UGGT2: variants seen among roughly 807,000 people sequenced by gnomAD.
UGGT2 encodes UDP-glucose glycoprotein glucosyltransferase 2.
In UGGT2, 180 loss-of-function variants were observed where a neutral mutation model predicts 192.1. The ratio of observed to expected loss-of-function variants is 0.94; its 90% CI spans 0.83 to 1.06. The LOEUF (loss-of-function observed/expected upper bound fraction) is 1.06. Ranked by LOEUF, UGGT2 falls within the 50% of genes least tolerant of loss-of-function variation. The pLI is 0.00. For missense variants in UGGT2, 1,849 were observed against 1,795.7 expected (o/e 1.03, Z -0.54); for synonymous variants, 580 against 591.0 (o/e 0.98, Z 0.27).
chr13:96,006,400 G>T (rs1220309435), intron 5 of UGGT2, among the ~76,000 whole-genome samples: 1 of 152,038 alleles, frequency 6.6e-6, no homozygotes, highest in Non-Finnish European at 1.5e-5. Flanking sequence ...TGAGGTGGAT[G>T]GATTGCCTGG....
rs1025591389 is a variant in UGGT2 at position 95,853,591 on chromosome 13, C to T, written c.4236G>A (p.Gln1412=). The T allele has an allele frequency of 3.1e-6, 5 of 1,610,724 alleles. No homozygotes were observed. The highest frequency in any genetic ancestry group is 4.2e-6 in the Non-Finnish European group (5 of 1,178,892). The part of the protein sequence containing the change: ...RIGAGDRLRS[Q]YQALSQDPNS... ...TTGGATCTTGACTGAGAGCTTGATA[C>T]TGGCTCCTGAGCCTGTCACCTGCTC... The change falls in exon 36 of 39, where the codon CAG becomes CAA. Residue 1412 remains glutamine (Q), a synonymous_variant. Transcript: ENST00000376747.
At chr13:95,827,410 T>C (rs1266501752) in intron 38 of UGGT2, among the ~76,000 whole-genome samples, 1 of 152,096 alleles carries the variant, frequency 6.6e-6, no homozygotes, top group African/African-American at 2.4e-5. Context: ...GGACAGAGAA[T>C]GTGAAGACAA....
chr13:95,938,650 T>C (rs143806560), intron 16 of UGGT2, among the ~76,000 whole-genome samples: 1 of 152,286 alleles, frequency 6.6e-6, no homozygotes, highest in East Asian at 1.9e-4. Flanking sequence ...GCAAACTCTC[T>C]CCTAAAGCTT....
At chr13:96,035,511 T>C (rs1181733266) in intron 1 of UGGT2, among the ~76,000 whole-genome samples, 1 of 152,210 alleles carries the variant, frequency 6.6e-6, no homozygotes, top group Admixed American at 6.5e-5. Flanking sequence ...AGCAATGATT[T>C]CATGACAAAA....
At position 95,932,189 on chromosome 13, in the gene UGGT2, C is replaced by T. The variant is rs543690024; in HGVS notation, c.1977+4735G>A. Among the ~76,000 whole-genome samples, 4 of 152,154 alleles carry T rather than the reference C, an allele frequency of 2.6e-5. No homozygotes were observed. The East Asian group carries it at 5.8e-4, about 22-fold the overall frequency. ...GTTAACAATATTTAGTCTTCCAATC[C>T]GTGAGCATGGAATGTTTACCCATTT... On this transcript the variant is annotated intron_variant, in intron 17 of 38. Coordinates refer to ENST00000376747, the MANE Select transcript of UGGT2 (RefSeq NM_020121.4).
At chr13:95,836,065 T>C (rs1887254565) in intron 37 of UGGT2, among the ~76,000 whole-genome samples, 1 of 152,310 alleles carries the variant, frequency 6.6e-6, no homozygotes, top group Non-Finnish European at 1.5e-5. Flanking sequence ...GTTTGTTTTT[T>C]TGAAATGGAG....
At chr13:95,937,191 A>T (rs902844609) in intron 16 of UGGT2, 103 bp from the exon 17 acceptor site, 101 of 1,302,286 alleles carry the variant, frequency 7.8e-5, no homozygotes, top group Non-Finnish European at 1.1e-4. Flanking sequence ...CCATAGGAAA[A>T]AACATCCATT....
chr13:95,901,020 G>C (rs1389941666), intron 21 of UGGT2, 82 bp from the exon 22 acceptor site: 2 of 1,006,374 alleles, frequency 2.0e-6, no homozygotes, highest in Non-Finnish European at 1.3e-6. Flanking sequence ...ACTAATATTA[G>C]TATAAAATTT....
At chr13:96,026,712 C>A (rs1171174959) in intron 2 of UGGT2, among the ~76,000 whole-genome samples, 1 of 132,386 alleles carries the variant, frequency 7.6e-6, no homozygotes, top group Non-Finnish European at 1.5e-5. Flanking sequence ...TCGCCCAGGT[C>A]GGACTGCGGA....
rs1594211246 is a variant in UGGT2 at position 95,877,062 on chromosome 13, T to C, written c.3473+217A>G. 2.1e-5 allele frequency: 8 copies of C among 390,160 alleles called. No individual in the cohort carries two copies. The East Asian group carries it at 3.3e-4, about 16-fold the overall frequency. The allele number at this position is 390,160 out of a possible 1,614,324, so 24.2% of individuals were successfully genotyped here. On this transcript the variant is annotated intron_variant, in intron 29 of 38. Coordinates refer to ENST00000376747, the MANE Select transcript of UGGT2 (RefSeq NM_020121.4). ...CCATGTCTGGCAAATTTTTGTATTTTTAGTACAGATGGGGTTTTGCCATGT... is the reference window on the plus strand; with the variant it reads ...CCATGTCTGGCAAATTTTTGTATTTCTAGTACAGATGGGGTTTTGCCATGT...
chr13:95,925,759 G>T lies in UGGT2; in HGVS notation c.2216C>A (p.Ser739Tyr). 1 of 1,549,868 alleles carries T rather than the reference G, an allele frequency of 6.5e-7. No homozygotes were observed. Among genetic ancestry groups the T allele is most frequent in the South Asian group, 1.3e-5 (1 of 77,694 alleles). ...TGCAATAATCCAGAGAGTGACTGCA[G>T]AAATTATACTCTCATCTGAAAGTTT... The part of the protein sequence containing the change: ...YLTQDDESII[S>Y]AVTLWIIADF... The change falls in exon 20 of 39, where the codon TCT (serine) becomes TAT (tyrosine). Residue 739 changes from serine to tyrosine, a missense_variant. Physicochemically the swap from Ser to Tyr is moderately radical, Grantham distance 144. Coordinates refer to ENST00000376747, the MANE Select transcript of UGGT2 (RefSeq NM_020121.4).
intron 16 of UGGT2, among the ~76,000 whole-genome samples, chr13:95,939,129 C>G (rs938137411): frequency 6.6e-6 from 1 of 152,214 alleles, no homozygotes; most frequent in Admixed American, 6.5e-5. Context: ...ATCTCCTCGA[C>G]TGTACCCTAT....
At chr13:95,865,124 C>A (rs1299603530) in intron 30 of UGGT2, among the ~76,000 whole-genome samples, 2 of 152,116 alleles carry the variant, frequency 1.3e-5, no homozygotes, top group African/African-American at 4.8e-5. Flanking sequence ...ATTCATTCTA[C>A]TTCGTAATTT....
chr13:95,906,832 A>T (rs1368803569), intron 20 of UGGT2, among the ~76,000 whole-genome samples: 1 of 152,200 alleles, frequency 6.6e-6, no homozygotes, highest in Non-Finnish European at 1.5e-5. Flanking sequence ...CCGAATAGGA[A>T]CAGCTCCAGT....
chr13:96,009,317 G>C (rs1277817496), intron 5 of UGGT2, among the ~76,000 whole-genome samples: 1 of 152,096 alleles, frequency 6.6e-6, no homozygotes, highest in Non-Finnish European at 1.5e-5. Flanking sequence ...AAAAGCAATT[G>C]CAACAAAAAC....
chr13:95,873,095 T>C (rs34738594), intron 29 of UGGT2, among the ~76,000 whole-genome samples: 55,495 of 152,070 alleles, frequency 0.36, 10,555 homozygotes, highest in Non-Finnish European at 0.42. Context: ...GGCTTTCCCT[T>C]TGCAAAACAT....
At chr13:95,820,842 A>G (rs1173430020) in intron 38 of UGGT2, among the ~76,000 whole-genome samples, 1 of 152,080 alleles carries the variant, frequency 6.6e-6, no homozygotes, top group East Asian at 1.9e-4. Flanking sequence ...CTTATAAATG[A>G]GAACATACGG....
intron 12 of UGGT2, among the ~76,000 whole-genome samples, chr13:95,951,475 T>A (rs2050060305): frequency 6.6e-6 from 1 of 152,142 alleles, no homozygotes; most frequent in Non-Finnish European, 1.5e-5. Flanking sequence ...GGGTGAGAAT[T>A]TGGCAGCTCT....
At position 95,884,558 on chromosome 13, in the gene UGGT2, G is replaced by A; in HGVS notation, c.3161C>T (p.Thr1054Ile). Residue 1054 changes from threonine (T) to isoleucine (I), a missense_variant, in exon 27 of 39, where the codon ACT (threonine) becomes ATT (isoleucine). Coordinates refer to ENST00000376747, the MANE Select transcript of UGGT2 (RefSeq NM_020121.4). ...TGTTTCAACCAACCAGCCTTCTGGA[G>A]TAATCATGTTGAGGATTAGGAGGGG... ...ESPLLILNMI[T>I]PEGWLVETVH... is the part of the protein sequence containing the mutation. 1 of 1,613,976 alleles carries A rather than the reference G, an allele frequency of 6.2e-7. No individual in the cohort carries two copies.
Sources: gnomAD v4.1 joint callset for allele counts (sites outside exome capture counted in the v4.1 genomes callset) on GRCh38, gnomAD v4.1.1 for gene constraint, MANE v1.5 for transcripts, NCBI Gene and HGNC (gene_info 2026-07-23, HGNC 2026-07-21) for gene names.